ANKH: variants seen among roughly 807,000 people sequenced by gnomAD.
ANKH encodes mineralization regulator ANKH.
A neutral mutation model predicts 49.0 loss-of-function variants in ANKH; 15 were observed. That is an observed-to-expected ratio of 0.31 (90% CI 0.20 to 0.47). The LOEUF (loss-of-function observed/expected upper bound fraction) is 0.47. Among genes scored for constraint, ANKH ranks in the 20% least tolerant of loss-of-function variants. The pLI is 1.00. For synonymous variants in ANKH, 273 were observed against 260.0 expected (o/e 1.05, Z -0.48); for missense variants, 429 against 652.0 (o/e 0.66, Z 3.72).
At chr5:14,814,091 C>A (rs925482749) in intron 1 of ANKH, among the ~76,000 whole-genome samples, 1 of 152,208 alleles carries the variant, frequency 6.6e-6, no homozygotes, top group African/African-American at 2.4e-5. Context: ...CTCGAGACAG[C>A]GTTCCATCTC....
At chr5:14,814,084 G>C (rs953080277) in intron 1 of ANKH, among the ~76,000 whole-genome samples, 5 of 152,114 alleles carry the variant, frequency 3.3e-5, no homozygotes, top group Non-Finnish European at 5.9e-5. Context: ...TAACATCCTC[G>C]AGACAGCGTT....
chr5:14,722,788 C>G (rs902836497), intron 8 of ANKH, among the ~76,000 whole-genome samples: 1 of 152,136 alleles, frequency 6.6e-6, no homozygotes, highest in Non-Finnish European at 1.5e-5. Flanking sequence ...CCTGCTCCTT[C>G]TGAGGAACTT....
chr5:14,860,937 C>T, intron 1 of ANKH, among the ~76,000 whole-genome samples: 1 of 152,002 alleles, frequency 6.6e-6, no homozygotes, highest in East Asian at 1.9e-4. Flanking sequence ...CGCCCACCAC[C>T]ACACCCGGCT....
intron 1 of ANKH, among the ~76,000 whole-genome samples, chr5:14,857,081 T>C (rs1209487972): frequency 1.3e-5 from 2 of 151,980 alleles, no homozygotes; most frequent in Non-Finnish European, 2.9e-5. Context: ...ACCAATACAG[T>C]CCCTGCCCAC....
At chr5:14,733,618 T>C (rs182838142) in intron 8 of ANKH, among the ~76,000 whole-genome samples, 188 of 152,380 alleles carry the variant, frequency 1.2e-3, no homozygotes, top group Non-Finnish European at 2.1e-3. Flanking sequence ...CGTGCTCATT[T>C]CACACACTGC....
intron 1 of ANKH, among the ~76,000 whole-genome samples, chr5:14,799,533 G>A (rs1427767314): frequency 1.3e-5 from 2 of 152,166 alleles, no homozygotes; most frequent in Non-Finnish European, 2.9e-5. Context: ...TGCAGGTGGC[G>A]AACTTAAGCT....
At position 14,716,492 on chromosome 5, in the gene ANKH, CAATA is replaced by C. The variant is rs372301335; in HGVS notation, c.1141+210_1141+213del. Among the ~76,000 whole-genome samples the C allele has an allele frequency of 0.087, 13,136 of 151,506 alleles. 562 individuals are homozygous for C. The highest frequency in any genetic ancestry group is 0.11 in the African/African-American group (4,482 of 41,202). On this transcript the variant is annotated intron_variant, in intron 9 of 11. Coordinates refer to ENST00000284268, the MANE Select transcript of ANKH (RefSeq NM_054027.6). ...GGGTGACGGAATGAAACTCTGTCTC[CAATA>C]AATAAATAAATAAATAAATAAAATA...
intron 1 of ANKH, among the ~76,000 whole-genome samples, chr5:14,843,478 C>G (rs1204606539): frequency 7.0e-6 from 1 of 143,118 alleles, no homozygotes; most frequent in Non-Finnish European, 1.5e-5. Context: ...GCCTGGCCAG[C>G]TCTCATTTTT....
At chr5:14,776,425 G>A (rs1338477966) in intron 1 of ANKH, among the ~76,000 whole-genome samples, 3 of 152,146 alleles carry the variant, frequency 2.0e-5, no homozygotes, top group East Asian at 3.9e-4. Flanking sequence ...TAAAGCTAGG[G>A]GACTGAACAA....
At chr5:14,722,196 G>C (rs941236745) in intron 8 of ANKH, among the ~76,000 whole-genome samples, 1 of 152,132 alleles carries the variant, frequency 6.6e-6, no homozygotes, top group African/African-American at 2.4e-5. Context: ...ATGATGTGCT[G>C]TGTTCCTCAA....
intron 1 of ANKH, among the ~76,000 whole-genome samples, chr5:14,778,583 C>A (rs1216145068): frequency 1.3e-5 from 2 of 152,170 alleles, no homozygotes; most frequent in African/African-American, 4.8e-5. Context: ...CAATTTCTAA[C>A]CTTTCAGCTC....
chr5:14,789,454 A>AT (rs1740088901), intron 1 of ANKH, among the ~76,000 whole-genome samples: 2 of 135,088 alleles, frequency 1.5e-5, no homozygotes, highest in South Asian at 5.0e-4. Context: ...AATGGTGGTG[A>AT]TAAAAAAAAA....
chr5:14,871,270 G>T, intron 1 of ANKH, 82 bp downstream of exon 1: 1 of 1,232,138 alleles, frequency 8.1e-7, no homozygotes, highest in South Asian at 1.2e-5. Flanking sequence ...ACTCGGAGCA[G>T]GTGACTCCCC....
intron 1 of ANKH, among the ~76,000 whole-genome samples, chr5:14,773,794 T>C (rs1580056969): frequency 6.6e-6 from 1 of 152,214 alleles, no homozygotes; most frequent in African/African-American, 2.4e-5. Context: ...TACCCCCTTG[T>C]TGCCAAGGCG....
chr5:14,797,923 TAGA>T, intron 1 of ANKH: 5 of 1,599,222 alleles, frequency 3.1e-6, no homozygotes, highest in Non-Finnish European at 4.3e-6. Flanking sequence ...GGATCTGGTT[TAGA>T]AGGATGTTTT....
At chr5:14,781,205 C>T (rs1561052393) in intron 1 of ANKH, among the ~76,000 whole-genome samples, 1 of 152,236 alleles carries the variant, frequency 6.6e-6, no homozygotes, top group Non-Finnish European at 1.5e-5. Context: ...ATCTATACAG[C>T]TCTAAATGAG....
chr5:14,721,177 G>A (rs187149523), intron 8 of ANKH, among the ~76,000 whole-genome samples: 1 of 152,334 alleles, frequency 6.6e-6, no homozygotes, highest in East Asian at 1.9e-4. Flanking sequence ...AAGGTTTGAT[G>A]GATTTCCAGT....
chr5:14,707,414 CAAGT>C lies in ANKH; in HGVS notation c.*3779_*3782del, dbSNP rs1441552110. 9.2e-5 allele frequency: 14 copies of C among 152,128 alleles called. No homozygotes were observed. The highest frequency in any genetic ancestry group is 6.5e-4 in the Admixed American group (10 of 15,288). The allele number at this position is 152,128 out of a possible 1,614,324, so 9.4% of individuals were successfully genotyped here. On this transcript the variant is annotated 3_prime_UTR_variant, in exon 12 of 12. Transcript: ENST00000284268. Reference sequence around the variant, plus strand: ...CTCCAGAAGATCCCCAAATGGGGAACAAGTAAGAGAGCAGAGAGCTGTTAACATT... The same window carrying C: ...CTCCAGAAGATCCCCAAATGGGGAACAAGAGAGCAGAGAGCTGTTAACATT...
rs138300195 is a variant in ANKH, at chr5:14,792,559, G to A, written c.97-23368C>T. The stretch of plus-strand genomic sequence containing the variant: ...CCTTCACCGCTCTATCTAGGCTGAT[G>A]AACACTGATGAAAGGAAAGAACGAT... On this transcript the variant is annotated intron_variant, in intron 1 of 11. Coordinates refer to ENST00000284268, the MANE Select transcript of ANKH (RefSeq NM_054027.6). 3.3e-4 allele frequency among the ~76,000 whole-genome samples: 50 copies of A among 152,222 alleles called. 1 individual carries two copies. In the East Asian group the frequency reaches 8.9e-3, roughly 27 times the overall value.
Sources: allele counts gnomAD v4.1 joint callset (sites outside exome capture counted in the v4.1 genomes callset), GRCh38; gene constraint gnomAD v4.1.1; transcripts MANE v1.5; gene names NCBI Gene and HGNC (gene_info 2026-07-23, HGNC 2026-07-21).